SOD2: variants seen among roughly 807,000 people sequenced by gnomAD.
SOD2 encodes the protein superoxide dismutase 2.
In SOD2, 11 loss-of-function variants were observed where a neutral mutation model predicts 27.0. The observed-to-expected ratio is 0.41, with a 90% CI of 0.26 to 0.67. The LOEUF is 0.67. SOD2 is among the 30% of genes least tolerant of loss of function. The pLI is 0.34. For synonymous variants in SOD2, 105 were observed against 103.0 expected, an observed-to-expected ratio of 1.02 and a Z score of -0.12; for missense variants, 250 against 274.5, an observed-to-expected ratio of 0.91 and a Z score of 0.63.
chr6:159,701,396 A>T (rs776020217), intron 1 of SOD2, among the ~76,000 whole-genome samples: 6 of 152,148 alleles, frequency 3.9e-5, no homozygotes, highest in Non-Finnish European at 7.4e-5. Flanking sequence ...ACTAAAGAAC[A>T]TATATTTTTT....
chr6:159,724,851 T>C (rs1476681760), intron 1 of SOD2, among the ~76,000 whole-genome samples: 2 of 98,228 alleles, frequency 2.0e-5, no homozygotes, highest in Admixed American at 1.5e-4. Context: ...GACCCTGTTC[T>C]CAAAAAAGAA....
chr6:159,675,584 T>C lies in SOD2; in HGVS notation c.*6909A>G, dbSNP rs1290441664. Reference sequence around the variant, plus strand: ...AACTGGATCCCTTCCTTACACCTTATACAAAAATTAATTCAAGATGGATTA... The same window carrying C: ...AACTGGATCCCTTCCTTACACCTTACACAAAAATTAATTCAAGATGGATTA... On this transcript the variant is annotated 3_prime_UTR_variant, in exon 5 of 5. Coordinates refer to ENST00000538183, the MANE Select transcript of SOD2 (RefSeq NM_000636.4). 6.6e-6 allele frequency: 1 copy of C among 152,162 alleles called. No individual in the cohort carries two copies. The highest frequency in any genetic ancestry group is 1.9e-4 in the East Asian group (1 of 5,196). The allele number at this position is 152,162 out of a possible 1,614,324, so 9.4% of individuals were successfully genotyped here.
upstream of SOD2, among the ~76,000 whole-genome samples, chr6:159,729,232 C>A (rs181331680): frequency 6.6e-6 from 1 of 152,256 alleles, no homozygotes; most frequent in Non-Finnish European, 1.5e-5. Flanking sequence ...TTGCTTCTTG[C>A]TCCTCAAAAT....
chr6:159,706,658 CAAT>C (rs1777632789), intron 1 of SOD2, among the ~76,000 whole-genome samples: 1 of 152,096 alleles, frequency 6.6e-6, no homozygotes, highest in South Asian at 2.1e-4. Context: ...GACTCCCACA[CAAT>C]AATAATGGGA....
At chr6:159,753,248 C>CT in intron 1 of SOD2, 2 of 609,426 alleles carry the variant, frequency 3.3e-6, no homozygotes, top group South Asian at 2.0e-5. Flanking sequence ...TGTTTGGGCA[C>CT]TTTTTGTTTA....
upstream of SOD2, chr6:159,727,656 C>A (rs938556538): frequency 4.1e-6 from 4 of 985,584 alleles, no homozygotes; most frequent in Non-Finnish European, 1.2e-6. Context: ...AGCAGCGCGG[C>A]CTCGGCCTAT....
intron 2 of SOD2, chr6:159,688,456 A>G: frequency 2.1e-6 from 1 of 486,824 alleles, no homozygotes. Context: ...TGGAAAAGCT[A>G]GAAAATTCAC....
chr6:159,741,131 G>A (rs2114918034), intron 1 of SOD2, among the ~76,000 whole-genome samples: 2 of 152,278 alleles, frequency 1.3e-5, no homozygotes, highest in Non-Finnish European at 2.9e-5. Flanking sequence ...CAGGATAGCA[G>A]ACATTCAGGG....
At chr6:159,755,886 G>A in intron 1 of SOD2, 1 of 366,586 alleles carries the variant, frequency 2.7e-6, no homozygotes, top group South Asian at 6.4e-5. Flanking sequence ...ATTTTTATAT[G>A]AGTTAATGTG....
At position 159,713,478 on chromosome 6, in the gene SOD2, CCT is replaced by C. The variant is rs999402443; in HGVS notation, c.-116+13649_-116+13650del. 1.2e-4 allele frequency: 79 copies of C among 661,498 alleles called. No homozygotes were observed. The Admixed American group carries it at 1.5e-3, about 12-fold the overall frequency. 41.0% of individuals were successfully genotyped at this position (661,498 alleles called of 1,614,324 possible). A position where few individuals can be genotyped will look rare whatever the true frequency, so the allele number is the denominator to read the frequency against. On this transcript the variant is annotated intron_variant, in intron 1 of 2. Transcript: ENST00000401980. ...CAATGTACCTGTGCCCTATTCTTTC[CCT>C]GTGTTTCTTCAATGCCGTCTCAGCT...
At chr6:159,686,883 G>A (rs1780211488) in intron 3 of SOD2, among the ~76,000 whole-genome samples, 1 of 152,082 alleles carries the variant, frequency 6.6e-6, no homozygotes, top group Non-Finnish European at 1.5e-5. Flanking sequence ...CCCTCCCTGG[G>A]TGAAGAAGAT....
upstream of SOD2, among the ~76,000 whole-genome samples, chr6:159,728,664 G>A (rs1481117742): frequency 6.6e-6 from 1 of 152,182 alleles, no homozygotes; most frequent in Non-Finnish European, 1.5e-5. Flanking sequence ...TTAAAACTAT[G>A]AGCGAAAAAT....
chr6:159,674,875 A>G lies in SOD2; in HGVS notation c.*7618T>C, dbSNP rs1295173975. On this transcript the variant is annotated 3_prime_UTR_variant, in exon 5 of 5. Transcript: ENST00000538183. ...ATCATCTCAGCCCAAAATCTCCTTA[A>G]TTTGATAAGCAACTTCAGCAAAATC... The G allele has an allele frequency of 6.6e-6, 1 of 152,256 alleles. No homozygotes were observed. Among genetic ancestry groups the G allele is most frequent in the East Asian group, 1.9e-4 (1 of 5,202 alleles). 9.4% of individuals were successfully genotyped at this position (152,256 alleles called of 1,614,324 possible). A position where few individuals can be genotyped will look rare whatever the true frequency, so the allele number is the denominator to read the frequency against.
upstream of SOD2, among the ~76,000 whole-genome samples, chr6:159,730,104 G>A (rs187235967): frequency 1.1e-3 from 163 of 152,172 alleles, 2 homozygotes; most frequent in Admixed American, 2.2e-3. Context: ...CTTTTGAGGG[G>A]CACCAAATTT....
chr6:159,712,492 T>A (rs868708608), intron 1 of SOD2, among the ~76,000 whole-genome samples: 437 of 91,944 alleles, frequency 4.8e-3, no homozygotes, highest in African/African-American at 8.1e-3. Flanking sequence ...TCAGCTGCTC[T>A]GACCTCCATA....
chr6:159,693,034 GC>G, intron 1 of SOD2, 110 bp downstream of exon 1: 1 of 1,452,684 alleles, frequency 6.9e-7, no homozygotes, highest in Non-Finnish European at 9.1e-7. Flanking sequence ...GCCTGCAGGT[GC>G]CCCGGTCCCG....
At position 159,721,628 on chromosome 6, in the gene SOD2, A is replaced by T. The variant is rs1209095067; in HGVS notation, c.-116+5501T>A. 3.4e-5 allele frequency among the ~76,000 whole-genome samples: 5 copies of T among 148,974 alleles called. No homozygotes were observed. The East Asian group carries it at 1.0e-3, about 30-fold the overall frequency. On this transcript the variant is annotated intron_variant, in intron 1 of 2. Transcript: ENST00000401980. ...GGTGATCTGCCTGCCTTGGCCTCCCAAAGTGCTGGGATTACAGGATTACAG... is the reference window on the plus strand; with the variant it reads ...GGTGATCTGCCTGCCTTGGCCTCCCTAAGTGCTGGGATTACAGGATTACAG...
chr6:159,737,206 G>A (rs1778974368), intron 1 of SOD2, among the ~76,000 whole-genome samples: 1 of 151,994 alleles, frequency 6.6e-6, no homozygotes, highest in South Asian at 2.1e-4. Context: ...GTGCCACCAC[G>A]CCCAGCTAAT....
upstream of SOD2, among the ~76,000 whole-genome samples, chr6:159,693,629 C>T (rs1302441753): frequency 1.3e-5 from 2 of 152,244 alleles, no homozygotes; most frequent in South Asian, 2.1e-4. Flanking sequence ...GCTGCGGCGC[C>T]TGCCCCTGAG....
Sources: allele counts gnomAD v4.1 joint callset (sites outside exome capture counted in the v4.1 genomes callset), GRCh38; gene constraint gnomAD v4.1.1; transcripts MANE v1.5; gene names NCBI Gene and HGNC (gene_info 2026-07-23, HGNC 2026-07-21).